Variants in NFIC observed in about 807,000 individuals in gnomAD.
The protein encoded by NFIC is nuclear factor I C.
In NFIC, 12 loss-of-function variants were observed where a neutral mutation model predicts 54.4. The observed-to-expected ratio is 0.22, with a 90% CI of 0.14 to 0.36. The LOEUF (loss-of-function observed/expected upper bound fraction) is 0.36, where lower values mean the gene tolerates loss of function less well. NFIC is among the 10% of genes least tolerant of loss of function. The pLI, the probability that NFIC is intolerant of heterozygous loss-of-function variation, is 1.00. For synonymous variants in NFIC, 322 were observed against 319.2 expected (o/e 1.01, Z -0.09); for missense variants, 575 against 718.2 (o/e 0.80, Z 2.28).
At chr19:3,365,065 G>A (rs2080863704), upstream of NFIC, among the ~76,000 whole-genome samples, 1 of 152,110 alleles carries the variant, frequency 6.6e-6, no homozygotes, top group Non-Finnish European at 1.5e-5. Flanking sequence ...AGCCTGTGGG[G>A]GGCCTAGGGA....
At chr19:3,404,757 G>C (rs976742425) in intron 2 of NFIC, among the ~76,000 whole-genome samples, 3 of 152,224 alleles carry the variant, frequency 2.0e-5, no homozygotes, top group African/African-American at 7.2e-5. Flanking sequence ...TGGGCGGCGT[G>C]GCCTCCCAGA....
At chr19:3,381,489 G>T (rs959421086) in intron 1 of NFIC, among the ~76,000 whole-genome samples, 3 of 152,126 alleles carry the variant, frequency 2.0e-5, no homozygotes, top group Admixed American at 2.0e-4. Context: ...CTGGGCGATG[G>T]GTTCTTGCAG....
chr19:3,371,933 T>TTCCTTCCC (rs1385182502), intron 1 of NFIC, among the ~76,000 whole-genome samples: 1 of 112,530 alleles, frequency 8.9e-6, no homozygotes, highest in African/African-American at 3.5e-5. Flanking sequence ...CCTTCCTTCC[T>TTCCTTCCC]TCCTTCCCTC....
intron 7 of NFIC, among the ~76,000 whole-genome samples, chr19:3,450,537 C>T (rs2082445574): frequency 6.6e-6 from 1 of 151,644 alleles, no homozygotes; most frequent in South Asian, 2.1e-4. Context: ...TGCCTGTGAT[C>T]CCAGCTACTC....
intron 5 of NFIC, among the ~76,000 whole-genome samples, 191 bp downstream of exon 5, chr19:3,434,591 G>C (rs1039051172): frequency 2.6e-5 from 4 of 152,024 alleles, no homozygotes; most frequent in African/African-American, 9.7e-5. Flanking sequence ...AGCCCTGACA[G>C]CCCACCGTGG....
chr19:3,420,685 T>C (rs2081940424), intron 2 of NFIC, among the ~76,000 whole-genome samples: 1 of 152,110 alleles, frequency 6.6e-6, no homozygotes, highest in Non-Finnish European at 1.5e-5. Context: ...GCACTCACTA[T>C]GGCAGCCATG....
In NFIC at chr19:3,464,703, G is replaced by A. The variant is rs2082693371; in HGVS notation, c.*1934G>A. 1 of 985,150 alleles carries A rather than the reference G, an allele frequency of 1.0e-6. No individual in the cohort carries two copies. Among genetic ancestry groups the A allele is most frequent in the Non-Finnish European group, 1.2e-6 (1 of 830,068 alleles). The allele number at this position is 985,150 out of a possible 1,614,324, so 61.0% of individuals were successfully genotyped here. On this transcript the variant is annotated 3_prime_UTR_variant, in exon 11 of 11. Transcript: ENST00000443272. ...CTCCCAAACTAGCCTCAGGAGCTTG[G>A]CGAACCCGCTCGCTCCTAAAGAGAA...
rs1315633935 is a variant in NFIC, at chr19:3,467,157, C to T, written c.*4388C>T. 2.0e-5 allele frequency: 3 copies of T among 148,398 alleles called. No homozygotes were observed. The highest frequency in any genetic ancestry group is 4.5e-5 in the Non-Finnish European group (3 of 67,128). 9.2% of individuals were successfully genotyped at this position (148,398 alleles called of 1,614,324 possible). On this transcript the variant is annotated 3_prime_UTR_variant, in exon 11 of 11. Coordinates refer to ENST00000443272, the MANE Select transcript of NFIC (RefSeq NM_001245002.2). ...ACATCTTCTCAAATCTTGTTCCACC[C>T]CCCTCTGGAAGCCCCCATCACCCAC...
chr19:3,445,077 GCACACGTC>G (rs1281528704), intron 6 of NFIC, among the ~76,000 whole-genome samples: 2 of 151,884 alleles, frequency 1.3e-5, no homozygotes, highest in African/African-American at 4.8e-5. Flanking sequence ...ATGCAGGCGT[GCACACGTC>G]CACATATGCT....
chr19:3,396,143 C>G (rs886430395), intron 2 of NFIC, among the ~76,000 whole-genome samples: 1 of 152,078 alleles, frequency 6.6e-6, no homozygotes, highest in Non-Finnish European at 1.5e-5. Context: ...GTCTGTTGTG[C>G]TTTGGATGCT....
chr19:3,427,719 C>T (rs1016766939), intron 3 of NFIC, among the ~76,000 whole-genome samples: 2 of 147,564 alleles, frequency 1.4e-5, no homozygotes, highest in African/African-American at 2.5e-5. Context: ...CCCAGCTAGT[C>T]GGGAGGCTGA....
intron 1 of NFIC, among the ~76,000 whole-genome samples, chr19:3,361,036 G>A (rs1235069023): frequency 6.6e-6 from 1 of 152,180 alleles, no homozygotes; most frequent in East Asian, 1.9e-4. Flanking sequence ...GAGGAAGAGC[G>A]CTCCCTCCAC....
At chr19:3,462,057 A>C (rs1482708962) in intron 10 of NFIC, among the ~76,000 whole-genome samples, 1 of 151,274 alleles carries the variant, frequency 6.6e-6, no homozygotes, top group Non-Finnish European at 1.5e-5. Context: ...TGTCTCAATA[A>C]ATAAATAAAT....
chr19:3,463,038 C>T lies in NFIC; in HGVS notation c.*269C>T, dbSNP rs865875974. 2.2e-6 allele frequency: 3 copies of T among 1,340,226 alleles called. No homozygotes were observed. The South Asian group carries it at 5.5e-5, about 25-fold the overall frequency. 83.0% of individuals were successfully genotyped at this position (1,340,226 alleles called of 1,614,324 possible). A position where few individuals can be genotyped will look rare whatever the true frequency, so the allele number is the denominator to read the frequency against. Reference sequence around the variant, plus strand: ...GACGCAACGTTTCCAACTCTCGGGACGCCAAGGCCGCAGGACTGGAGGGCC... The same window carrying T: ...GACGCAACGTTTCCAACTCTCGGGATGCCAAGGCCGCAGGACTGGAGGGCC... On this transcript the variant is annotated 3_prime_UTR_variant, in exon 11 of 11. Coordinates refer to ENST00000443272, the MANE Select transcript of NFIC (RefSeq NM_001245002.2).
chr19:3,427,177 C>T lies in NFIC; in HGVS notation c.634+2000C>T, dbSNP rs934483345. ...TCCTGACCCTGTGATGCACCCGCCT[C>T]GGCCTCCCAAAGTGCTGGGATTACA... On this transcript the variant is annotated intron_variant, in intron 3 of 10. Coordinates refer to ENST00000443272, the MANE Select transcript of NFIC (RefSeq NM_001245002.2). Among the ~76,000 whole-genome samples, 9 of 152,188 alleles carry T rather than the reference C, an allele frequency of 5.9e-5. No individual in the cohort carries two copies. In the South Asian group the frequency reaches 6.2e-4, roughly 11 times the overall value.
At chr19:3,393,090 G>A (rs561779491) in intron 2 of NFIC, among the ~76,000 whole-genome samples, 37 of 152,184 alleles carry the variant, frequency 2.4e-4, no homozygotes, top group East Asian at 9.7e-4. Flanking sequence ...ACAGGTGCCC[G>A]CCACCACACC....
intron 6 of NFIC, among the ~76,000 whole-genome samples, chr19:3,444,829 G>A (rs531565802): frequency 1.6e-4 from 25 of 152,048 alleles, no homozygotes; most frequent in Non-Finnish European, 2.6e-4. Flanking sequence ...TTGCACACAC[G>A]CATGCATGCT....
chr19:3,453,111 C>T lies in NFIC; in HGVS notation c.1269+445C>T, dbSNP rs1160155389. Among the ~76,000 whole-genome samples the T allele has an allele frequency of 1.3e-5, 2 of 152,160 alleles. No individual in the cohort carries two copies. The highest frequency in any genetic ancestry group is 2.4e-5 in the African/African-American group (1 of 41,430). ...AAAATGAGCCACGCATGGTGGCGGG[C>T]GCCTGTAGTCCCAGCTACTCAGGAG... On this transcript the variant is annotated intron_variant, in intron 8 of 10. Coordinates refer to ENST00000443272, the MANE Select transcript of NFIC (RefSeq NM_001245002.2). The surrounding 1 kb of genome is among the most constrained non-coding windows in gnomAD (Gnocchi z 6.7).
At chr19:3,396,703 C>G (rs2081470335) in intron 2 of NFIC, among the ~76,000 whole-genome samples, 1 of 152,224 alleles carries the variant, frequency 6.6e-6, no homozygotes, top group Admixed American at 6.5e-5. Context: ...CACCTGTAAT[C>G]CCAGCACTTG....
Sources: gnomAD v4.1 joint callset for allele counts (sites outside exome capture counted in the v4.1 genomes callset) on GRCh38, gnomAD v4.1.1 for gene constraint, Gnocchi (gnomAD v3.1) non-coding constraint, MANE v1.5 for transcripts, NCBI Gene and HGNC (gene_info 2026-07-23, HGNC 2026-07-21) for gene names.